Variants in PXDNL observed in about 807,000 individuals in gnomAD.
PXDNL encodes peroxidasin like, also known as probable oxidoreductase PXDNL.
A neutral mutation model predicts 150.8 loss-of-function variants in PXDNL; 145 were observed. The observed-to-expected ratio is 0.96, with a 90% confidence interval of 0.84 to 1.10. The LOEUF (loss-of-function observed/expected upper bound fraction) is 1.10. PXDNL is among the 50% of genes least tolerant of loss of function. The pLI is 0.00. For synonymous variants in PXDNL, 757 were observed against 725.7 expected, an observed-to-expected ratio of 1.04 and a Z score of -0.69; for missense variants, 2,087 against 1,873.9, an observed-to-expected ratio of 1.11 and a Z score of -2.10.
At chr8:51,541,952 A>G (rs570014698) in intron 4 of PXDNL, among the ~76,000 whole-genome samples, 3 of 152,322 alleles carry the variant, frequency 2.0e-5, no homozygotes, top group African/African-American at 7.2e-5. Flanking sequence ...GGTTAAAAGC[A>G]GAAACTTGTC....
At chr8:51,448,889 A>AT (rs1042121282) in intron 11 of PXDNL, 113 bp downstream of exon 11, 6 of 710,790 alleles carry the variant, frequency 8.4e-6, no homozygotes, top group African/African-American at 1.8e-5. Flanking sequence ...TTTCTGTGTA[A>AT]TTTTTTCATG....
chr8:51,658,344 G>GAA (rs34771782), intron 1 of PXDNL, among the ~76,000 whole-genome samples: 2 of 94,222 alleles, frequency 2.1e-5, no homozygotes, highest in African/African-American at 4.1e-5. Flanking sequence ...CCTGTCTCAA[G>GAA]AAAAAAAAAA....
chr8:51,733,789 C>A lies in PXDNL; in HGVS notation c.164+75392G>T, dbSNP rs964077218. On this transcript the variant is annotated intron_variant, in intron 1 of 22. Transcript: ENST00000356297. ...TGCCACTGCACTCCAGCCTGGGTGA[C>A]ACAGCAAGACTCTGTCTCAAATAAT... is the stretch of plus-strand genomic sequence containing the variant. Among the ~76,000 whole-genome samples, 8 of 144,916 alleles carry A rather than the reference C, an allele frequency of 5.5e-5. No homozygotes were observed. The Admixed American group carries it at 5.7e-4, about 10-fold the overall frequency.
At chr8:51,656,393 G>T (rs200720218) in intron 1 of PXDNL, among the ~76,000 whole-genome samples, 2 of 152,262 alleles carry the variant, frequency 1.3e-5, no homozygotes, top group African/African-American at 4.8e-5. Flanking sequence ...ATCCATTGCT[G>T]TTTGGTATGT....
intron 1 of PXDNL, among the ~76,000 whole-genome samples, chr8:51,691,839 A>C (rs905485930): frequency 1.3e-5 from 2 of 152,166 alleles, no homozygotes; most frequent in African/African-American, 4.8e-5. Context: ...GAGGAAGGCA[A>C]ATGTGTGATT....
chr8:51,475,248 C>T (rs1233295167), intron 6 of PXDNL, 107 bp from the exon 7 acceptor site: 2 of 1,088,022 alleles, frequency 1.8e-6, no homozygotes, highest in African/African-American at 3.2e-5. Context: ...TTGTCTGTTA[C>T]ATTTTTGACT....
intron 4 of PXDNL, among the ~76,000 whole-genome samples, chr8:51,548,974 G>T (rs1812421679): frequency 6.6e-6 from 1 of 152,038 alleles, no homozygotes; most frequent in African/African-American, 2.4e-5. Context: ...TAAGGCAAAG[G>T]GATGGGAAAA....
At chr8:51,623,370 G>T (rs111413836) in intron 2 of PXDNL, among the ~76,000 whole-genome samples, 5 of 152,326 alleles carry the variant, frequency 3.3e-5, no homozygotes, top group African/African-American at 1.2e-4. Context: ...CTGTTAAAAA[G>T]ATCACATGAA....
In PXDNL at chr8:51,635,097, G is replaced by T. The variant is rs191304083; in HGVS notation, c.236+19592C>A. ...CTTCCAGCTTTTGCCCATCCAGTAT[G>T]ATGTCAGATGACAACACACTCTTTA... is the stretch of plus-strand genomic sequence containing the variant. On this transcript the variant is annotated intron_variant, in intron 2 of 22. Coordinates refer to ENST00000356297, the MANE Select transcript of PXDNL (RefSeq NM_144651.5). 2.9e-3 allele frequency among the ~76,000 whole-genome samples: 434 copies of T among 152,070 alleles called. 1 individual carries two copies. Among genetic ancestry groups the T allele is most frequent in the Non-Finnish European group, 5.3e-3 (363 of 67,950 alleles).
chr8:51,699,517 C>T (rs1816207314), intron 1 of PXDNL, among the ~76,000 whole-genome samples: 1 of 152,192 alleles, frequency 6.6e-6, no homozygotes, highest in African/African-American at 2.4e-5. Context: ...TTCATATTAG[C>T]AATAAGGCTG....
intron 5 of PXDNL, among the ~76,000 whole-genome samples, chr8:51,490,504 A>G (rs1810864266): frequency 6.6e-6 from 1 of 151,892 alleles, no homozygotes; most frequent in Non-Finnish European, 1.5e-5. Flanking sequence ...AAAACTTTAA[A>G]TAAAGAAGAC....
intron 3 of PXDNL, among the ~76,000 whole-genome samples, chr8:51,584,718 T>C (rs184970068): frequency 1.4e-4 from 21 of 152,262 alleles, no homozygotes; most frequent in Non-Finnish European, 7.3e-5. Flanking sequence ...GAGGAGGTGA[T>C]TGTCATGAAG....
At chr8:51,535,665 T>C (rs952199030) in intron 4 of PXDNL, among the ~76,000 whole-genome samples, 2 of 141,576 alleles carry the variant, frequency 1.4e-5, no homozygotes, top group African/African-American at 5.7e-5. Context: ...ACTATTGTCC[T>C]ATGACCCTGC....
chr8:51,717,166 G>C (rs1285642313), intron 1 of PXDNL, among the ~76,000 whole-genome samples: 1 of 152,086 alleles, frequency 6.6e-6, no homozygotes, highest in Non-Finnish European at 1.5e-5. Context: ...AGAAAGAAGG[G>C]GCTTACCAAT....
intron 4 of PXDNL, among the ~76,000 whole-genome samples, chr8:51,535,588 C>G (rs868554279): frequency 9.9e-5 from 13 of 131,256 alleles, no homozygotes; most frequent in Admixed American, 2.3e-4. Context: ...TGCGGAAGGC[C>G]GCAGGGTCCT....
chr8:51,585,954 T>C (rs570014997), intron 3 of PXDNL, among the ~76,000 whole-genome samples: 16 of 152,184 alleles, frequency 1.1e-4, no homozygotes, highest in African/African-American at 3.9e-4. Flanking sequence ...TGTGCTTGAT[T>C]GTGATTGCAA....
In PXDNL at chr8:51,666,610, G is replaced by A. The variant is rs547737612; in HGVS notation, c.165-11850C>T. 2.0e-5 allele frequency among the ~76,000 whole-genome samples: 3 copies of A among 152,138 alleles called. No individual in the cohort carries two copies. In the South Asian group the frequency reaches 6.2e-4, roughly 32 times the overall value. ...AAGATACCTGTCAACTTTACCCAAA[G>A]TCTTAAAAAATGCTTCTCTTCTCAC... On this transcript the variant is annotated intron_variant, in intron 1 of 22. Transcript: ENST00000356297.
At chr8:51,424,208 A>G (rs911680962) in intron 13 of PXDNL, among the ~76,000 whole-genome samples, 2 of 152,068 alleles carry the variant, frequency 1.3e-5, no homozygotes, top group Admixed American at 6.5e-5. Context: ...ACAAAAAAAA[A>G]TAGAACAAAA....
intron 10 of PXDNL, 47 bp from the exon 11 acceptor site, chr8:51,449,165 T>C (rs1423236069): frequency 9.6e-7 from 1 of 1,044,192 alleles, no homozygotes; most frequent in East Asian, 2.6e-5. Context: ...ATTTTACAAA[T>C]TTTCAGTGCC....
Sources: gnomAD v4.1 joint callset for allele counts (sites outside exome capture counted in the v4.1 genomes callset) on GRCh38, gnomAD v4.1.1 for gene constraint, MANE v1.5 for transcripts, NCBI Gene and HGNC (gene_info 2026-07-23, HGNC 2026-07-21) for gene names.